Variants in HP1BP3 observed in about 807,000 individuals in gnomAD.
The protein encoded by HP1BP3 is heterochromatin protein 1-binding protein 3.
HP1BP3 carries 12 observed loss-of-function variants against 62.5 expected under a neutral mutation model. That is an observed-to-expected ratio of 0.19 (90% CI 0.12 to 0.31). HP1BP3 has a LOEUF of 0.31. Among genes scored for constraint, HP1BP3 ranks in the 10% least tolerant of loss-of-function variants. The pLI is 1.00. For missense variants in HP1BP3, 502 were observed against 651.8 expected, an observed-to-expected ratio of 0.77 and a Z score of 2.50; for synonymous variants, 260 against 237.8, an observed-to-expected ratio of 1.09 and a Z score of -0.86.
At chr1:20,753,066 C>T (rs761334364) in intron 9 of HP1BP3, among the ~76,000 whole-genome samples, 3 of 152,128 alleles carry the variant, frequency 2.0e-5, no homozygotes, top group East Asian at 1.9e-4. Context: ...CTCAGCCTCC[C>T]GAGTAGCTGG....
intron 8 of HP1BP3, among the ~76,000 whole-genome samples, chr1:20,761,864 G>T (rs1409988168): frequency 6.6e-6 from 1 of 152,172 alleles, no homozygotes; most frequent in African/African-American, 2.4e-5. Context: ...GGCAAGTGAA[G>T]AAAATGTTTC....
intron 8 of HP1BP3, among the ~76,000 whole-genome samples, chr1:20,762,496 A>C (rs1481777771): frequency 6.6e-6 from 1 of 152,192 alleles, no homozygotes; most frequent in Admixed American, 6.5e-5. Flanking sequence ...GGGATCCCCT[A>C]ATCACAAACC....
chr1:20,755,560 G>A (rs2056053788), intron 9 of HP1BP3, among the ~76,000 whole-genome samples: 1 of 152,078 alleles, frequency 6.6e-6, no homozygotes. Flanking sequence ...GGGTGACAGA[G>A]TGAGACCCTA....
At chr1:20,768,212 C>A (rs942598310) in intron 6 of HP1BP3, among the ~76,000 whole-genome samples, 1 of 151,970 alleles carries the variant, frequency 6.6e-6, no homozygotes, top group Non-Finnish European at 1.5e-5. Context: ...TTTGGGAGGC[C>A]GAGGCGGGCG....
At chr1:20,765,284 C>A in intron 8 of HP1BP3, 93 bp downstream of exon 8, 1 of 757,960 alleles carries the variant, frequency 1.3e-6, no homozygotes, top group South Asian at 3.8e-5. Flanking sequence ...GAAAGTAATC[C>A]TTCCTCAGTA....
intron 8 of HP1BP3, among the ~76,000 whole-genome samples, chr1:20,764,613 T>C (rs1254954105): frequency 1.4e-5 from 2 of 147,338 alleles, no homozygotes; most frequent in East Asian, 4.1e-4. Context: ...AGTTCAATAC[T>C]ACATATCTTA....
chr1:20,770,893 C>T, intron 6 of HP1BP3, 37 bp downstream of exon 6: 1 of 1,495,254 alleles, frequency 6.7e-7, no homozygotes, highest in East Asian at 2.4e-5. Context: ...AGCTAATACA[C>T]AATGAAATGA....
Position 20,779,896 on chromosome 1 carries a change from T to C in HP1BP3, c.112A>G (p.Thr38Ala). 1 of 1,612,490 alleles carries C rather than the reference T, an allele frequency of 6.2e-7. No homozygotes were observed. Among genetic ancestry groups the C allele is most frequent in the East Asian group, 2.2e-5 (1 of 44,822 alleles). Residue 38 changes from threonine (T) to alanine (A), a missense_variant, in exon 3 of 13, where the codon ACC becomes GCC. Thr to Ala is a moderately conservative substitution (Grantham distance 58). Transcript: ENST00000438032. ...DKLGEKVEDS[T>A]MPIRRTVNST... ...TTCACAGTTCGACGAATCGGCATGG[T>C]GCTATCTTCTACCTTCTAAGAAAAG...
intron 9 of HP1BP3, chr1:20,755,260 G>T: frequency 2.8e-6 from 1 of 354,780 alleles, no homozygotes. Context: ...CAAACGTTGA[G>T]GAGGATATGG....
intron 7 of HP1BP3, among the ~76,000 whole-genome samples, chr1:20,766,792 T>A (rs999580066): frequency 1.3e-5 from 2 of 151,682 alleles, no homozygotes; most frequent in Non-Finnish European, 2.9e-5. Flanking sequence ...ATACAAACAT[T>A]AGCTGGGAAC....
chr1:20,757,482 C>G (rs987651611), intron 8 of HP1BP3, among the ~76,000 whole-genome samples: 2 of 151,886 alleles, frequency 1.3e-5, no homozygotes, highest in Non-Finnish European at 2.9e-5. Flanking sequence ...AGCAATTCTC[C>G]TGCCTCAGCC....
At chr1:20,748,115 A>C (rs926416579) in intron 10 of HP1BP3, among the ~76,000 whole-genome samples, 1 of 152,146 alleles carries the variant, frequency 6.6e-6, no homozygotes, top group Non-Finnish European at 1.5e-5. Flanking sequence ...ACTTGAGCTC[A>C]AAGTAGTTAA....
intron 1 of HP1BP3, among the ~76,000 whole-genome samples, chr1:20,782,728 C>T (rs542999325): frequency 2.0e-5 from 3 of 151,562 alleles, no homozygotes; most frequent in African/African-American, 4.8e-5. Flanking sequence ...GGTGAAACCC[C>T]GTCTCTACTA....
At chr1:20,760,236 T>C (rs2154540295) in intron 8 of HP1BP3, among the ~76,000 whole-genome samples, 1 of 152,122 alleles carries the variant, frequency 6.6e-6, no homozygotes, top group Non-Finnish European at 1.5e-5. Flanking sequence ...CACTGAATGT[T>C]TGAGTAGAAA....
chr1:20,749,491 T>C (rs907852643), intron 10 of HP1BP3, among the ~76,000 whole-genome samples: 2 of 152,062 alleles, frequency 1.3e-5, no homozygotes, highest in Admixed American at 6.6e-5. Flanking sequence ...CCCGAGTAGC[T>C]GGGACTACAG....
chr1:20,746,550 A>G (rs1487272130), intron 11 of HP1BP3, among the ~76,000 whole-genome samples: 1 of 152,210 alleles, frequency 6.6e-6, no homozygotes, highest in Non-Finnish European at 1.5e-5. Flanking sequence ...CTGGAAATCA[A>G]AAGGCTTTAA....
At chr1:20,748,299 A>G (rs1389263134) in intron 10 of HP1BP3, among the ~76,000 whole-genome samples, 3 of 152,238 alleles carry the variant, frequency 2.0e-5, no homozygotes, top group South Asian at 2.1e-4. Flanking sequence ...TAACAAAACA[A>G]TATCATGGTT....
intron 10 of HP1BP3, among the ~76,000 whole-genome samples, 176 bp downstream of exon 10, chr1:20,749,547 G>A (rs1227929912): frequency 6.6e-6 from 1 of 151,950 alleles, no homozygotes; most frequent in Non-Finnish European, 1.5e-5. Context: ...TTGTAGTAGA[G>A]ATGGGGTTTC....
intron 8 of HP1BP3, among the ~76,000 whole-genome samples, chr1:20,764,808 G>C (rs536277681): frequency 6.6e-6 from 1 of 151,850 alleles, no homozygotes; most frequent in East Asian, 2.0e-4. Context: ...CCGGGAGTTA[G>C]AGGCTGCAGT....
Sources: allele counts gnomAD v4.1 joint callset (sites outside exome capture counted in the v4.1 genomes callset), GRCh38; gene constraint gnomAD v4.1.1; transcripts MANE v1.5; gene names NCBI Gene and HGNC (gene_info 2026-07-23, HGNC 2026-07-21).